RGS7: variants seen among roughly 807,000 people sequenced by gnomAD.
RGS7 encodes regulator of G protein signaling 7, also known as regulator of G-protein signaling 7.
In RGS7, 27 loss-of-function variants were observed where a neutral mutation model predicts 81.1. That is an observed-to-expected ratio of 0.33 (90% confidence interval 0.25 to 0.46). The LOEUF (loss-of-function observed/expected upper bound fraction) is 0.46. Ranked by LOEUF, RGS7 falls within the 20% of genes least tolerant of loss-of-function variation. RGS7 has a pLI of 1.00. For synonymous variants in RGS7, 208 were observed against 207.7 expected, an observed-to-expected ratio of 1.00 and a Z score of -0.01; for missense variants, 396 against 607.4, an observed-to-expected ratio of 0.65 and a Z score of 3.66.
chr1:240,920,358 T>C lies in RGS7; in HGVS notation c.385+10359A>G, dbSNP rs569513435. Reference sequence around the variant, plus strand: ...TGGTGGCAGCTGTTGTGGTGGTGGATATGGTGGCAGTGGGGATGGCTATAA... The same window carrying C: ...TGGTGGCAGCTGTTGTGGTGGTGGACATGGTGGCAGTGGGGATGGCTATAA... On this transcript the variant is annotated intron_variant, in intron 6 of 18. Transcript: ENST00000440928. The C allele has an allele frequency of 8.2e-5, 126 of 1,537,376 alleles. 2 individuals are homozygous for C. In the South Asian group the frequency reaches 1.3e-3, roughly 16 times the overall value.
chr1:240,992,460 C>T (rs1016050125), intron 3 of RGS7, among the ~76,000 whole-genome samples: 37 of 151,852 alleles, frequency 2.4e-4, no homozygotes, highest in South Asian at 4.2e-4. Flanking sequence ...GCCAAGATCA[C>T]GCCACTGCAC....
intron 2 of RGS7, among the ~76,000 whole-genome samples, chr1:241,137,127 T>G (rs2067578359): frequency 6.6e-6 from 1 of 152,296 alleles, no homozygotes; most frequent in South Asian, 2.1e-4. Context: ...CCTTATTCAT[T>G]CCTACTCCTT....
At chr1:241,025,219 T>C (rs772598966) in intron 3 of RGS7, among the ~76,000 whole-genome samples, 5 of 152,188 alleles carry the variant, frequency 3.3e-5, no homozygotes, top group Non-Finnish European at 5.9e-5. Context: ...CACAATGGTG[T>C]TGAACAGGAC....
rs1405604916 is a variant in RGS7 at position 240,875,207 on chromosome 1, C to T, written c.386-5088G>A. 2.0e-5 allele frequency among the ~76,000 whole-genome samples: 3 copies of T among 152,116 alleles called. No homozygotes were observed. In the East Asian group the frequency reaches 5.8e-4, roughly 29 times the overall value. ...ATATCTGCCCCCACTGCCCCCAGGC[C>T]CTGGTAATCACCATTCTACTTTTTG... On this transcript the variant is annotated intron_variant, in intron 6 of 18. Transcript: ENST00000440928.
chr1:241,014,315 C>G (rs1037633549), intron 3 of RGS7, among the ~76,000 whole-genome samples: 6 of 152,196 alleles, frequency 3.9e-5, no homozygotes, highest in African/African-American at 1.4e-4. Context: ...CTACAACCAG[C>G]CTTCAATACA....
intron 2 of RGS7, among the ~76,000 whole-genome samples, chr1:241,135,660 T>TGCCCTTGAAAAACCC (rs1401847653): frequency 2.0e-5 from 3 of 152,098 alleles, no homozygotes; most frequent in African/African-American, 7.2e-5. Flanking sequence ...GAAAAAAACC[T>TGCCCTTGAAAAACCC]GCCCTTGAAA....
chr1:240,872,533 T>G (rs974879477), intron 6 of RGS7, among the ~76,000 whole-genome samples: 1 of 152,204 alleles, frequency 6.6e-6, no homozygotes, highest in African/African-American at 2.4e-5. Flanking sequence ...CAGAATAATC[T>G]GGTAACTGTT....
chr1:240,797,500 C>T (rs1687269836), intron 18 of RGS7, among the ~76,000 whole-genome samples: 1 of 152,042 alleles, frequency 6.6e-6, no homozygotes, highest in South Asian at 2.1e-4. Flanking sequence ...TACAGGTGTG[C>T]ACCACCACGC....
chr1:240,842,199 A>ATTTTTTTTTTTTTTTTTTTTGT (rs568381066), intron 9 of RGS7, among the ~76,000 whole-genome samples: 1 of 78,676 alleles, frequency 1.3e-5, no homozygotes, highest in Non-Finnish European at 2.5e-5. Context: ...TTTGTCAGGA[A>ATTTTTTTTTTTTTTTTTTTTGT]TTTTTTTTTT....
intron 2 of RGS7, among the ~76,000 whole-genome samples, chr1:241,210,155 A>T (rs7515142): frequency 0.57 from 86,207 of 151,724 alleles, 27,047 homozygotes; most frequent in East Asian, 0.82. Flanking sequence ...ATATATATAT[A>T]TTTTTTCTTT....
intron 3 of RGS7, among the ~76,000 whole-genome samples, chr1:241,023,573 C>T (rs962305663): frequency 3.3e-5 from 5 of 152,208 alleles, no homozygotes; most frequent in South Asian, 2.1e-4. Flanking sequence ...CCCTGTGATA[C>T]GCCCCACTCC....
At chr1:241,081,169 T>C (rs1256727858) in intron 3 of RGS7, among the ~76,000 whole-genome samples, 3 of 152,160 alleles carry the variant, frequency 2.0e-5, no homozygotes, top group Non-Finnish European at 4.4e-5. Flanking sequence ...TTTTCATAAA[T>C]GTATTATTTT....
rs1401443014 is a variant in RGS7, at chr1:240,820,510, C to G, written c.685-4095G>C. 2.0e-5 allele frequency among the ~76,000 whole-genome samples: 3 copies of G among 151,844 alleles called. No individual in the cohort carries two copies. In the East Asian group the frequency reaches 5.8e-4, roughly 29 times the overall value. ...TTTGCTATGGTCTGAATGTTTGTGT[C>G]TCTCCAAAATTCTTATGTTGAAATC... On this transcript the variant is annotated intron_variant, in intron 10 of 18. Coordinates refer to ENST00000440928, the MANE Select transcript of RGS7 (RefSeq NM_001364886.1).
At chr1:241,210,154 TA>T (rs2074163303) in intron 2 of RGS7, among the ~76,000 whole-genome samples, 2 of 151,908 alleles carry the variant, frequency 1.3e-5, no homozygotes, top group African/African-American at 4.8e-5. Flanking sequence ...TATATATATA[TA>T]TTTTTTCTTT....
intron 2 of RGS7, among the ~76,000 whole-genome samples, chr1:241,254,922 C>T (rs1242636947): frequency 6.6e-6 from 1 of 152,194 alleles, no homozygotes; most frequent in Non-Finnish European, 1.5e-5. Context: ...ACACCCACTA[C>T]ATAGCATCAC....
intron 2 of RGS7, among the ~76,000 whole-genome samples, chr1:241,159,085 G>A (rs1286551747): frequency 6.6e-6 from 1 of 152,062 alleles, no homozygotes; most frequent in Non-Finnish European, 1.5e-5. Context: ...ACTCCATATG[G>A]TGTTCACAAA....
chr1:241,188,675 A>G (rs1007803103), intron 2 of RGS7, among the ~76,000 whole-genome samples: 1 of 152,198 alleles, frequency 6.6e-6, no homozygotes, highest in African/African-American at 2.4e-5. Flanking sequence ...GTCTTGGAAC[A>G]CTAAGAAAAA....
chr1:240,860,074 T>C (rs933350436), intron 9 of RGS7, among the ~76,000 whole-genome samples: 1 of 152,178 alleles, frequency 6.6e-6, no homozygotes, highest in Non-Finnish European at 1.5e-5. Context: ...CTTTGTGTGA[T>C]TTCTATTCTA....
chr1:241,296,130 G>A (rs2079408252), intron 2 of RGS7, among the ~76,000 whole-genome samples: 1 of 152,074 alleles, frequency 6.6e-6, no homozygotes, highest in African/African-American at 2.4e-5. Flanking sequence ...CAGGAGAGGT[G>A]GTCAGATAAT....
Sources: allele counts gnomAD v4.1 joint callset (sites outside exome capture counted in the v4.1 genomes callset), GRCh38; gene constraint gnomAD v4.1.1; transcripts MANE v1.5; gene names NCBI Gene and HGNC (gene_info 2026-07-23, HGNC 2026-07-21).